The following NPAS3 variants were observed in gnomAD, a reference collection of about 807,000 sequenced individuals.
NPAS3 encodes neuronal PAS domain protein 3.
In NPAS3, 14 loss-of-function variants were observed where a neutral mutation model predicts 73.1. That is an observed-to-expected ratio of 0.19 (90% confidence interval 0.13 to 0.30). The LOEUF (loss-of-function observed/expected upper bound fraction) is 0.30. Ranked by LOEUF, NPAS3 falls within the 10% of genes least tolerant of loss-of-function variation. NPAS3 has a pLI of 1.00. For synonymous variants in NPAS3, 620 were observed against 541.5 expected, an observed-to-expected ratio of 1.14 and a Z score of -2.01; for missense variants, 1,096 against 1,250.0, an observed-to-expected ratio of 0.88 and a Z score of 1.86.
intron 2 of NPAS3, among the ~76,000 whole-genome samples, chr14:33,166,400 A>G (rs2045150658): frequency 6.6e-6 from 1 of 151,914 alleles, no homozygotes; most frequent in African/African-American, 2.4e-5. Context: ...TTCCCTTTGT[A>G]TGTCCCTCAG....
At position 33,461,541 on chromosome 14, in the gene NPAS3, C is replaced by T. The variant is rs997436814; in HGVS notation, c.468+94273C>T. 3.3e-5 allele frequency among the ~76,000 whole-genome samples: 5 copies of T among 152,224 alleles called. 1 individual carries two copies. Among genetic ancestry groups the T allele is most frequent in the South Asian group, 2.1e-4 (1 of 4,830 alleles). On this transcript the variant is annotated intron_variant, in intron 4 of 11. Transcript: ENST00000356141. Reference sequence around the variant, plus strand: ...TTATAAAAGATGTTATGAGTTCCGACGGGAAAATCACACCCTGATGGGCAT... The same window carrying T: ...TTATAAAAGATGTTATGAGTTCCGATGGGAAAATCACACCCTGATGGGCAT...
At chr14:33,157,715 GT>G (rs1298114082) in intron 2 of NPAS3, among the ~76,000 whole-genome samples, 1 of 152,168 alleles carries the variant, frequency 6.6e-6, no homozygotes, top group Non-Finnish European at 1.5e-5. Flanking sequence ...TGTACCTTAT[GT>G]AAGACCGGGT....
chr14:33,672,267 ATGC>A (rs2059630189), intron 5 of NPAS3, among the ~76,000 whole-genome samples: 1 of 152,222 alleles, frequency 6.6e-6, no homozygotes, highest in Non-Finnish European at 1.5e-5. Flanking sequence ...ATAGATTATG[ATGC>A]TATATTATAA....
chr14:33,122,191 G>A (rs912769610), intron 2 of NPAS3, among the ~76,000 whole-genome samples: 1 of 152,132 alleles, frequency 6.6e-6, no homozygotes, highest in African/African-American at 2.4e-5. Flanking sequence ...GAGCAGACAT[G>A]CTCTTGTACA....
chr14:32,949,722 A>AT (rs1215607546), intron 1 of NPAS3, among the ~76,000 whole-genome samples: 3 of 151,850 alleles, frequency 2.0e-5, no homozygotes, highest in Non-Finnish European at 4.4e-5. Context: ...AATGGAAACC[A>AT]TTTTTTTCTG....
chr14:33,598,225 G>T (rs1755284381), intron 5 of NPAS3, among the ~76,000 whole-genome samples: 1 of 152,140 alleles, frequency 6.6e-6, no homozygotes, highest in Non-Finnish European at 1.5e-5. Context: ...AATCCTAGTT[G>T]CCTTTTCCAA....
rs990541653 is a variant in NPAS3 at position 33,472,681 on chromosome 14, G to A, written c.469-87440G>A. Among the ~76,000 whole-genome samples the A allele has an allele frequency of 2.1e-4, 31 of 150,330 alleles. 2 individuals carry two copies. The highest frequency in any genetic ancestry group is 7.8e-4 in the African/African-American group (31 of 39,724). Reference sequence around the variant, plus strand: ...AAATGAATGTCAAGCCCATAGGACTGGCAAGGATGACTCCAGTGTTTTTGT... The same window carrying A: ...AAATGAATGTCAAGCCCATAGGACTAGCAAGGATGACTCCAGTGTTTTTGT... On this transcript the variant is annotated intron_variant, in intron 4 of 11. Transcript: ENST00000356141.
intron 4 of NPAS3, among the ~76,000 whole-genome samples, chr14:33,549,471 C>T (rs1266431329): frequency 2.0e-5 from 3 of 152,102 alleles, no homozygotes; most frequent in African/African-American, 7.2e-5. Flanking sequence ...TGAGCTCAAG[C>T]GATTCGCCTG....
intron 4 of NPAS3, among the ~76,000 whole-genome samples, chr14:33,414,977 C>T (rs530873829): frequency 1.3e-5 from 2 of 152,196 alleles, no homozygotes; most frequent in African/African-American, 4.8e-5. Context: ...TTAAGACATG[C>T]TGAAAGTAGG....
chr14:33,333,367 C>T (rs1299372918), intron 3 of NPAS3, among the ~76,000 whole-genome samples: 3 of 152,170 alleles, frequency 2.0e-5, no homozygotes, highest in African/African-American at 7.2e-5. Context: ...TTCTTTTGCT[C>T]TTTCTAAAGA....
intron 1 of NPAS3, among the ~76,000 whole-genome samples, chr14:32,959,398 A>G (rs2036815656): frequency 6.6e-6 from 1 of 152,214 alleles, no homozygotes; most frequent in Non-Finnish European, 1.5e-5. Flanking sequence ...CTGTAGTTCA[A>G]GTAAAGATTC....
chr14:33,696,319 G>A (rs1314585519), intron 6 of NPAS3, among the ~76,000 whole-genome samples: 1 of 152,124 alleles, frequency 6.6e-6, no homozygotes, highest in Non-Finnish European at 1.5e-5. Flanking sequence ...TTCTACTCCT[G>A]GTTCTGTCTC....
chr14:33,416,693 T>C (rs1269846674), intron 4 of NPAS3, among the ~76,000 whole-genome samples: 2 of 152,064 alleles, frequency 1.3e-5, no homozygotes, highest in South Asian at 2.1e-4. Context: ...AATTCTGAGA[T>C]AGACATTCTA....
chr14:33,273,266 G>C (rs2041180062), intron 3 of NPAS3, among the ~76,000 whole-genome samples: 6 of 152,110 alleles, frequency 3.9e-5, no homozygotes, highest in Non-Finnish European at 1.5e-5. Flanking sequence ...TCTTCCTTTT[G>C]TTGGTTCTGA....
chr14:33,245,499 G>A (rs1167046329), intron 3 of NPAS3, among the ~76,000 whole-genome samples: 1 of 152,102 alleles, frequency 6.6e-6, no homozygotes, highest in Admixed American at 6.5e-5. Flanking sequence ...GAAATAGGGG[G>A]TATCTGTTGA....
Position 33,544,796 on chromosome 14 carries a change from A to G in NPAS3, c.469-15325A>G, listed in dbSNP as rs1206737987. ...GTGTTTATGTGTGTGTATTATATAT[A>G]TATATATATATATATGTATATATAA... On this transcript the variant is annotated intron_variant, in intron 4 of 11. Coordinates refer to ENST00000356141, the Ensembl canonical transcript of NPAS3. 1.3e-3 allele frequency among the ~76,000 whole-genome samples: 97 copies of G among 72,266 alleles called. 3 individuals are homozygous for G. The highest frequency in any genetic ancestry group is 8.7e-3 in the South Asian group (25 of 2,882). 47.4% of individuals were successfully genotyped at this position (72,266 alleles called of 152,430 possible).
At chr14:33,751,130 C>A (rs2061951421) in intron 7 of NPAS3, among the ~76,000 whole-genome samples, 1 of 152,112 alleles carries the variant, frequency 6.6e-6, no homozygotes, top group African/African-American at 2.4e-5. Context: ...GTAATGCTAG[C>A]CCCATGGGCT....
chr14:33,486,990 TGG>T (rs1245504307), intron 4 of NPAS3, among the ~76,000 whole-genome samples: 1 of 152,154 alleles, frequency 6.6e-6, no homozygotes, highest in Non-Finnish European at 1.5e-5. Flanking sequence ...TTTATTCCAG[TGG>T]TTAAATTTGA....
intron 4 of NPAS3, among the ~76,000 whole-genome samples, chr14:33,367,733 G>T (rs2140420806): frequency 6.6e-6 from 1 of 150,604 alleles, no homozygotes; most frequent in African/African-American, 2.4e-5. Context: ...CTTAATGTTT[G>T]CCTCCCCAAA....
Sources: gnomAD v4.1 joint callset for allele counts (sites outside exome capture counted in the v4.1 genomes callset) on GRCh38, gnomAD v4.1.1 for gene constraint, MANE v1.5 for transcripts, NCBI Gene and HGNC (gene_info 2026-07-23, HGNC 2026-07-21) for gene names.